The following ARHGAP9 variants were observed in gnomAD, a reference collection of about 807,000 sequenced individuals.
ARHGAP9 encodes Rho GTPase activating protein 9.
Under a neutral mutation model 87.3 loss-of-function variants are expected in ARHGAP9, and 76 were observed. The observed-to-expected ratio is 0.87, with a 90% CI of 0.72 to 1.05. The LOEUF (loss-of-function observed/expected upper bound fraction) is 1.05, where lower values mean the gene tolerates loss of function less well. Among genes scored for constraint, ARHGAP9 ranks in the 50% least tolerant of loss-of-function variants. ARHGAP9 has a pLI of 0.00. For missense variants in ARHGAP9, 941 were observed against 960.5 expected (o/e 0.98, Z 0.27); for synonymous variants, 382 against 394.9 (o/e 0.97, Z 0.39).
upstream of ARHGAP9, chr12:57,483,790 A>G (rs1440510129): frequency 7.4e-6 from 3 of 406,316 alleles, no homozygotes; most frequent in Non-Finnish European, 1.5e-5. Context: ...CTGTAAACCC[A>G]ACACCTTGGG....
rs555850731 is a variant in ARHGAP9, at chr12:57,475,450, TC to T, written c.1444+32del. 1.2e-3 allele frequency: 1,856 copies of T among 1,578,138 alleles called. 8 individuals are homozygous for T. Among genetic ancestry groups the T allele is most frequent in the South Asian group, 3.3e-3 (291 of 86,974 alleles). On this transcript the variant is annotated intron_variant, in intron 11 of 17. Transcript: ENST00000393791. The stretch of plus-strand genomic sequence containing the variant: ...TGAGCGCCCGGGAGCCTCGCTGCGC[TC>T]CCGGACTCTCCCTCCCCAGCCCGCG...
At chr12:57,475,419 G>C in intron 11 of ARHGAP9, 21 bp from the exon 12 acceptor site, 1 of 1,582,824 alleles carries the variant, frequency 6.3e-7, no homozygotes, top group South Asian at 1.1e-5. Context: ...CAGGTAGAGC[G>C]GGGCGTGAGC....
chr12:57,478,728 C>T lies in ARHGAP9; in HGVS notation c.346G>A (p.Glu116Lys), dbSNP rs750814664. The T allele has an allele frequency of 9.9e-6, 16 of 1,611,084 alleles. No homozygotes were observed. Among genetic ancestry groups the T allele is most frequent in the Non-Finnish European group, 1.3e-5 (15 of 1,177,948 alleles). ...GPKLFHGSLE[E>K]LSQALPSRAQ... is the part of the protein sequence containing the mutation. Reference sequence around the variant, plus strand: ...CTGCTTGGGAGGGCCTGAGACAACTCCTCCAGGGAACCATGAAACAACTTC... The same window carrying T: ...CTGCTTGGGAGGGCCTGAGACAACTTCTCCAGGGAACCATGAAACAACTTC... The change falls in exon 3 of 18, where the codon GAG becomes AAG. Residue 116 changes from glutamate to lysine, a missense_variant. Glu to Lys is a moderately conservative substitution (Grantham distance 56, BLOSUM62 1). Coordinates refer to ENST00000393791, the MANE Select transcript of ARHGAP9 (RefSeq NM_032496.4).
Position 57,475,583 on chromosome 12 carries a change from C to G in ARHGAP9, c.1344G>C (p.Ser448=), listed in dbSNP as rs1431991523. The G allele has an allele frequency of 3.1e-6, 5 of 1,612,078 alleles. No homozygotes were observed. Among genetic ancestry groups the G allele is most frequent in the South Asian group, 1.1e-5 (1 of 90,888 alleles). The change falls in exon 11 of 18, where the codon TCG becomes TCC. Residue 448 remains serine (S), a synonymous_variant. Coordinates refer to ENST00000393791, the MANE Select transcript of ARHGAP9 (RefSeq NM_032496.4). ...CGCTCAGCTCCGCGGGTCCAGAGCC[C>G]GACAGACGCAGCTCCAGGGGGTTCT... The part of the protein sequence containing the change: ...DRENPLELRL[S]GSGPAELSAG...
At chr12:57,475,250 C>T (rs372082509) in intron 12 of ARHGAP9, 41 bp downstream of exon 12, 7 of 1,536,790 alleles carry the variant, frequency 4.6e-6, no homozygotes, top group Non-Finnish European at 6.2e-6. Context: ...CTGAGCCTCG[C>T]TGGAGTTTTC....
At chr12:57,474,792 G>C (rs746404386) in intron 13 of ARHGAP9, 83 bp downstream of exon 13, 2 of 1,604,862 alleles carry the variant, frequency 1.2e-6, no homozygotes, top group Non-Finnish European at 1.7e-6. Flanking sequence ...AGGGCAGTAG[G>C]AAGACTAGGT....
chr12:57,477,619 C>T lies in ARHGAP9; in HGVS notation c.596G>A (p.Arg199His), dbSNP rs139154961. The stretch of plus-strand genomic sequence containing the variant: ...GCCTGGGGGTGGGGACCGAGGACAG[C>T]GGCGAAGGTCCACCAGGTTACAGTA... ...PVYCNLVDLR[R>H]CPRSPPPGPA... The change falls in exon 4 of 18, where the codon CGC (arginine) becomes CAC (histidine). Residue 199 changes from arginine (R) to histidine (H), a missense_variant. Arg to His is a conservative substitution (Grantham distance 29, BLOSUM62 0). Coordinates refer to ENST00000393791, the MANE Select transcript of ARHGAP9 (RefSeq NM_032496.4). 4.7e-5 allele frequency: 76 copies of T among 1,612,434 alleles called. 1 individual carries two copies. The East Asian group carries it at 9.6e-4, about 20-fold the overall frequency.
upstream of ARHGAP9, among the ~76,000 whole-genome samples, chr12:57,481,771 T>TG (rs1875030376): frequency 6.6e-6 from 1 of 152,218 alleles, no homozygotes; most frequent in Non-Finnish European, 1.5e-5. Flanking sequence ...AACACTCTGC[T>TG]GGTATCCCTC....
intron 3 of ARHGAP9, chr12:57,478,048 G>A: frequency 3.2e-6 from 3 of 923,490 alleles, no homozygotes; most frequent in Non-Finnish European, 2.8e-6. Context: ...TCTACAGAAG[G>A]GAAGAGGAGC....
Position 57,477,669 on chromosome 12 carries a change from C to A in ARHGAP9, c.546G>T (p.Gln182His). The stretch of plus-strand genomic sequence containing the variant: ...ACACAGGGGGCTCTGACATGAGGGG[C>A]TGGGGGCCTGCCTGCCAGAAAAGGG... ...SEASASTAGP[Q>H]PLMSEPPVYC... The change falls in exon 4 of 18, where the codon CAG becomes CAT. Residue 182 changes from glutamine to histidine, a missense_variant. Gln to His is a conservative substitution (Grantham distance 24). Transcript: ENST00000393791. The A allele has an allele frequency of 1.2e-6, 2 of 1,611,954 alleles. No individual in the cohort carries two copies. Among genetic ancestry groups the A allele is most frequent in the South Asian group, 2.2e-5 (2 of 91,024 alleles).
intron 1 of ARHGAP9, chr12:57,488,359 G>A: frequency 1.3e-6 from 1 of 742,796 alleles, no homozygotes; most frequent in Non-Finnish European, 2.2e-6. Context: ...TTCCCTCCCA[G>A]TCACATCTTT....
chr12:57,488,327 T>C (rs1875619035), intron 1 of ARHGAP9: 1 of 865,628 alleles, frequency 1.2e-6, no homozygotes, highest in Non-Finnish European at 1.8e-6. Flanking sequence ...TCTCCTATTA[T>C]CCTTGATCAC....
At chr12:57,487,580 G>A (rs1284606) in intron 1 of ARHGAP9, 27,707 of 153,764 alleles carry the variant, frequency 0.18, 2,796 homozygotes, top group East Asian at 0.33. Flanking sequence ...CGGGCGCAGT[G>A]GCTCACGCCT....
chr12:57,475,557 G>A lies in ARHGAP9; in HGVS notation c.1370C>T (p.Ala457Val), dbSNP rs753396623. The A allele has an allele frequency of 6.2e-7, 1 of 1,609,736 alleles. No individual in the cohort carries two copies. The highest frequency in any genetic ancestry group is 1.1e-5 in the South Asian group (1 of 90,410). Reference sequence around the variant, plus strand: ...CGACTCCTCTTCTTCGTCCTCCCCGGCGCTCAGCTCCGCGGGTCCAGAGCC... The same window carrying A: ...CGACTCCTCTTCTTCGTCCTCCCCGACGCTCAGCTCCGCGGGTCCAGAGCC... ...LSGSGPAELS[A>V]GEDEEEESEL... is the part of the protein sequence containing the mutation. The change falls in exon 11 of 18, where the codon GCC becomes GTC. Residue 457 changes from alanine (A) to valine (V), a missense_variant. Transcript: ENST00000393791.
At chr12:57,473,573 G>C in intron 17 of ARHGAP9, 30 bp downstream of exon 17, 1 of 1,584,380 alleles carries the variant, frequency 6.3e-7, no homozygotes, top group Non-Finnish European at 8.7e-7. Context: ...CCTTTCCCCA[G>C]CATGAACAAA....
At chr12:57,477,002 C>T (rs201223007) in intron 5 of ARHGAP9, 39 bp from the exon 6 acceptor site, 131 of 1,583,676 alleles carry the variant, frequency 8.3e-5, no homozygotes, top group Non-Finnish European at 9.9e-5. Context: ...GGGAAACGCT[C>T]GACTCAGGGA....
rs917783127 is a variant in ARHGAP9 at position 57,476,228 on chromosome 12, G to C, written c.1117-62C>G. ...TTTCCTTCACTGCTTCCCTCTCCCCGGTGGGCTGTGAGGAGGTGGGAGGCT... is the reference window on the plus strand; with the variant it reads ...TTTCCTTCACTGCTTCCCTCTCCCCCGTGGGCTGTGAGGAGGTGGGAGGCT... On this transcript the variant is annotated intron_variant, in intron 8 of 17. Transcript: ENST00000393791. 2.0e-6 allele frequency: 3 copies of C among 1,497,626 alleles called. No homozygotes were observed. In the East Asian group the frequency reaches 7.4e-5, roughly 37 times the overall value. 92.8% of individuals were successfully genotyped at this position (1,497,626 alleles called of 1,614,324 possible).
rs1227531274 is a variant in ARHGAP9 at position 57,488,160 on chromosome 12, G to A, written c.-204+452C>T. On this transcript the variant is annotated intron_variant, in intron 1 of 20. Transcript: ENST00000393797. The stretch of plus-strand genomic sequence containing the variant: ...GCTGGCCGCCGCCGGGAGAGCCCGG[G>A]GCAGAGCAGAGGTGCTCATCAGCAC... 10 of 1,614,026 alleles carry A rather than the reference G, an allele frequency of 6.2e-6. No homozygotes were observed. Among genetic ancestry groups the A allele is most frequent in the Non-Finnish European group, 8.5e-6 (10 of 1,180,036 alleles).
In ARHGAP9 at chr12:57,476,575, A is replaced by G. The variant is rs774236926; in HGVS notation, c.1025+15T>C. On this transcript the variant is annotated intron_variant, in intron 7 of 17. Transcript: ENST00000393791. ...AGTTGACAGCCCAGGCCCTAGCTGT[A>G]TTCTGGGTTCTCACCTGAGCTTGCG... The G allele has an allele frequency of 5.0e-6, 8 of 1,613,984 alleles. No individual in the cohort carries two copies. In the African/African-American group the frequency reaches 8.0e-5, roughly 16 times the overall value.
Sources: allele counts gnomAD v4.1 joint callset (sites outside exome capture counted in the v4.1 genomes callset), GRCh38; gene constraint gnomAD v4.1.1; transcripts MANE v1.5; gene names NCBI Gene and HGNC (gene_info 2026-07-23, HGNC 2026-07-21).